Variants in KIF26B observed in about 807,000 individuals in gnomAD.
The protein encoded by KIF26B is kinesin family member 26B.
In KIF26B, 63 loss-of-function variants were observed where a neutral mutation model predicts 151.2. That is an observed-to-expected ratio of 0.42 (90% CI 0.34 to 0.51). The LOEUF (loss-of-function observed/expected upper bound fraction) is 0.51. Among genes scored for constraint, KIF26B ranks in the 20% least tolerant of loss-of-function variants. The pLI is 0.07. For missense variants in KIF26B, 2,813 were observed against 2,913.6 expected, an observed-to-expected ratio of 0.97 and a Z score of 0.79; for synonymous variants, 1,357 against 1,262.1, an observed-to-expected ratio of 1.08 and a Z score of -1.59.
intron 3 of KIF26B, among the ~76,000 whole-genome samples, chr1:245,415,637 C>T (rs769897047): frequency 6.6e-5 from 10 of 152,108 alleles, no homozygotes; most frequent in African/African-American, 1.9e-4. Flanking sequence ...GAGCAAGCCT[C>T]GCTCTTCTGT....
intron 5 of KIF26B, among the ~76,000 whole-genome samples, chr1:245,596,642 G>A (rs145485498): frequency 6.6e-6 from 1 of 152,294 alleles, no homozygotes; most frequent in African/African-American, 2.4e-5. Flanking sequence ...TTCTGTAGAT[G>A]TCTTTTAGGT....
intron 3 of KIF26B, among the ~76,000 whole-genome samples, chr1:245,369,583 G>A (rs1673058861): frequency 6.6e-6 from 1 of 152,152 alleles, no homozygotes; most frequent in Non-Finnish European, 1.5e-5. Flanking sequence ...GAGGTAGGTG[G>A]GGCAGGTGTT....
chr1:245,160,640 G>A (rs960609124), intron 2 of KIF26B, among the ~76,000 whole-genome samples: 3 of 150,362 alleles, frequency 2.0e-5, no homozygotes, highest in Non-Finnish European at 4.4e-5. Flanking sequence ...ATCAATAAAA[G>A]AAAATCTTTT....
chr1:245,325,340 AT>A (rs1671968896), intron 2 of KIF26B, among the ~76,000 whole-genome samples: 2 of 152,176 alleles, frequency 1.3e-5, no homozygotes, highest in Non-Finnish European at 2.9e-5. Flanking sequence ...CGTGAGCGTC[AT>A]TTGTTGACTT....
chr1:245,425,249 A>G (rs568268311), intron 4 of KIF26B, among the ~76,000 whole-genome samples: 1 of 152,320 alleles, frequency 6.6e-6, no homozygotes, highest in East Asian at 1.9e-4. Flanking sequence ...CTAGCTTTGT[A>G]GGTTGAGGCA....
At chr1:245,419,277 A>G (rs2103035824) in intron 3 of KIF26B, among the ~76,000 whole-genome samples, 1 of 152,300 alleles carries the variant, frequency 6.6e-6, no homozygotes, top group East Asian at 1.9e-4. Flanking sequence ...GGCTGCAAAG[A>G]GTGCATGGAT....
chr1:245,169,356 T>TGTGTGTGTGTGTGTGTGC (rs1668669906), intron 2 of KIF26B, among the ~76,000 whole-genome samples: 1 of 151,950 alleles, frequency 6.6e-6, no homozygotes, highest in South Asian at 2.1e-4. Context: ...TGTGTGTGTG[T>TGTGTGTGTGTGTGTGTGC]GTGTGTGCGC....
intron 2 of KIF26B, among the ~76,000 whole-genome samples, chr1:245,315,708 T>G (rs1195380783): frequency 1.3e-4 from 12 of 93,336 alleles, no homozygotes; most frequent in East Asian, 3.9e-4. Flanking sequence ...GGTGACAGAG[T>G]GCAAAAAAAA....
chr1:245,258,679 C>G (rs1193026209), intron 2 of KIF26B, among the ~76,000 whole-genome samples: 1 of 152,102 alleles, frequency 6.6e-6, no homozygotes, highest in African/African-American at 2.4e-5. Flanking sequence ...TGACCCGGGC[C>G]TGGGGTAACA....
chr1:245,585,052 A>G (rs1420908823), intron 5 of KIF26B, among the ~76,000 whole-genome samples: 1 of 152,222 alleles, frequency 6.6e-6, no homozygotes, highest in East Asian at 1.9e-4. Context: ...GATTTGGCCA[A>G]CATGCCTCCT....
chr1:245,437,708 G>C (rs913581857), intron 4 of KIF26B, among the ~76,000 whole-genome samples: 1 of 152,120 alleles, frequency 6.6e-6, no homozygotes, highest in South Asian at 2.1e-4. Flanking sequence ...CATTGCTACA[G>C]GAGCTCATAA....
chr1:245,228,871 G>A (rs957794124), intron 2 of KIF26B, among the ~76,000 whole-genome samples: 3 of 152,168 alleles, frequency 2.0e-5, no homozygotes, highest in African/African-American at 7.2e-5. Context: ...TCCAATCACC[G>A]CATGATACTG....
At chr1:245,595,031 C>G (rs1266841691) in intron 5 of KIF26B, among the ~76,000 whole-genome samples, 1 of 152,174 alleles carries the variant, frequency 6.6e-6, no homozygotes, top group Non-Finnish European at 1.5e-5. Context: ...TGTGACTTTC[C>G]TGAATTTGCT....
rs116825236 is a variant in KIF26B at position 245,473,175 on chromosome 1, G to A, written c.1166+53430G>A. Among the ~76,000 whole-genome samples the A allele has an allele frequency of 8.0e-3, 1,212 of 152,360 alleles. 15 individuals carry two copies. The highest frequency in any genetic ancestry group is 0.03 in the Admixed American group (452 of 15,306). On this transcript the variant is annotated intron_variant, in intron 4 of 14. Transcript: ENST00000407071. ...AAGAGAATAAGCTGAGGGAGCAGGT[G>A]TGGATCACCATGGTCTCCTTTGACT... is the stretch of plus-strand genomic sequence containing the variant.
At chr1:245,177,870 A>G (rs994758990) in intron 2 of KIF26B, among the ~76,000 whole-genome samples, 1 of 152,150 alleles carries the variant, frequency 6.6e-6, no homozygotes, top group African/African-American at 2.4e-5. Flanking sequence ...TTTAGCCGAG[A>G]AAATGAAAGA....
At chr1:245,526,287 A>G (rs1192544851) in intron 4 of KIF26B, among the ~76,000 whole-genome samples, 1 of 152,154 alleles carries the variant, frequency 6.6e-6, no homozygotes, top group Non-Finnish European at 1.5e-5. Flanking sequence ...TAGCATAGAC[A>G]GGAAAGGAGG....
At chr1:245,356,931 C>T (rs1672714020) in intron 2 of KIF26B, among the ~76,000 whole-genome samples, 2 of 152,114 alleles carry the variant, frequency 1.3e-5, no homozygotes, top group African/African-American at 4.8e-5. Context: ...ACCTTGAAGG[C>T]GGTAAGAGAT....
chr1:245,405,553 T>C (rs908985842), intron 3 of KIF26B, among the ~76,000 whole-genome samples: 2 of 152,104 alleles, frequency 1.3e-5, no homozygotes, highest in African/African-American at 4.8e-5. Context: ...ATGGCTAACC[T>C]ACAGAGACTC....
intron 2 of KIF26B, among the ~76,000 whole-genome samples, chr1:245,283,369 T>C (rs928095574): frequency 1.3e-5 from 2 of 152,098 alleles, no homozygotes; most frequent in African/African-American, 2.4e-5. Flanking sequence ...ACACCCCATA[T>C]GCTTTCTTTT....
Sources: gnomAD v4.1 joint callset for allele counts (sites outside exome capture counted in the v4.1 genomes callset) on GRCh38, gnomAD v4.1.1 for gene constraint, MANE v1.5 for transcripts, NCBI Gene and HGNC (gene_info 2026-07-23, HGNC 2026-07-21) for gene names.